Variants in CLHC1 observed in about 807,000 individuals in gnomAD.
CLHC1 encodes clathrin heavy chain linker domain containing 1.
In CLHC1, 72 loss-of-function variants were observed where a neutral mutation model predicts 69.5. The observed-to-expected ratio is 1.04, with a 90% CI of 0.86 to 1.26. The LOEUF (loss-of-function observed/expected upper bound fraction) is 1.26. Among genes scored for constraint, CLHC1 ranks in the 50% most tolerant of loss-of-function variants. CLHC1 has a pLI of 0.00. For missense variants in CLHC1, 790 were observed against 679.3 expected (o/e 1.16, Z -1.81); for synonymous variants, 223 against 224.3 (o/e 0.99, Z 0.05).
chr2:55,180,219 T>C (rs1272980724), intron 11 of CLHC1, among the ~76,000 whole-genome samples: 2 of 152,134 alleles, frequency 1.3e-5, no homozygotes, highest in Non-Finnish European at 2.9e-5. Context: ...TGTAGTATGT[T>C]CTAGTATATC....
intron 3 of CLHC1, 130 bp from the exon 4 acceptor site, chr2:55,218,128 AC>A: frequency 2.0e-6 from 1 of 497,094 alleles, no homozygotes; most frequent in Non-Finnish European, 3.4e-6. Context: ...TCTAAACTCT[AC>A]AGCAAGCTCA....
Position 55,175,487 on chromosome 2 carries a change from A to G in CLHC1, c.*303T>C, listed in dbSNP as rs1481449595. On this transcript the variant is annotated 3_prime_UTR_variant, in exon 13 of 13. Transcript: ENST00000401408. ...TCTTGCTATCATATTACATCACCAG[A>G]AAGTAATATATCTGGACATTAGCTT... The G allele has an allele frequency of 1.5e-5, 4 of 274,512 alleles. No homozygotes were observed. The highest frequency in any genetic ancestry group is 1.5e-4 in the South Asian group (2 of 13,196). 17.0% of individuals were successfully genotyped at this position (274,512 alleles called of 1,614,324 possible).
At position 55,209,685 on chromosome 2, in the gene CLHC1, C is replaced by T; in HGVS notation, c.646G>A (p.Val216Met). The T allele has an allele frequency of 1.2e-6, 2 of 1,614,120 alleles. No individual in the cohort carries two copies. Among genetic ancestry groups the T allele is most frequent in the South Asian group, 1.1e-5 (1 of 91,070 alleles). ...GCTACATCTCGCCGTTTTAATAACA[C>T]AATCATTTCTTCATCTAAATCAGCC... ...RKADLDEEMIVLLKRRDVAEN... is the reference protein window; with the variant it reads ...RKADLDEEMIMLLKRRDVAEN... Residue 216 changes from valine to methionine, a missense_variant, in exon 6 of 13, where the codon GTG (valine) becomes ATG (methionine). Physicochemically the swap from Val to Met is conservative, Grantham distance 21 (BLOSUM62 1). Coordinates refer to ENST00000401408, the MANE Select transcript of CLHC1 (RefSeq NM_152385.4).
chr2:55,192,745 G>C (rs1671047571), intron 9 of CLHC1, among the ~76,000 whole-genome samples: 1 of 152,006 alleles, frequency 6.6e-6, no homozygotes, highest in African/African-American at 2.4e-5. Context: ...TTCCCAACAA[G>C]GTGCTGGGAA....
Position 55,198,139 on chromosome 2 carries a change from A to T in CLHC1, c.1006+8131T>A, listed in dbSNP as rs140027757. 3.0e-3 allele frequency among the ~76,000 whole-genome samples: 454 copies of T among 152,322 alleles called. 2 individuals carry two copies. The highest frequency in any genetic ancestry group is 0.014 in the Middle Eastern group (4 of 294). On this transcript the variant is annotated intron_variant, in intron 9 of 12. Transcript: ENST00000401408. ...GATCTTGAAGCCAGACTATCTGAAAATATACAGTGAGAGGAAACAAAAGAA... is the reference window on the plus strand; with the variant it reads ...GATCTTGAAGCCAGACTATCTGAAATTATACAGTGAGAGGAAACAAAAGAA...
At chr2:55,206,238 T>A in intron 9 of CLHC1, 32 bp downstream of exon 9, 1 of 1,245,506 alleles carries the variant, frequency 8.0e-7, no homozygotes, top group Non-Finnish European at 1.2e-6. Context: ...TAAATTTTCA[T>A]ACATATATAA....
At chr2:55,222,171 G>T in intron 3 of CLHC1, 64 bp downstream of exon 3, 2 of 1,116,474 alleles carry the variant, frequency 1.8e-6, no homozygotes, top group Non-Finnish European at 2.7e-6. Context: ...CAGGAATATT[G>T]GTTGTCAACA....
intron 2 of CLHC1, chr2:55,224,837 G>T: frequency 3.3e-6 from 1 of 298,664 alleles, no homozygotes; most frequent in South Asian, 3.9e-5. Context: ...CCCGGTTCTC[G>T]GACATTGAGT....
chr2:55,211,420 T>C (rs1672991171), intron 5 of CLHC1, among the ~76,000 whole-genome samples: 1 of 146,798 alleles, frequency 6.8e-6, no homozygotes, highest in Non-Finnish European at 1.5e-5. Context: ...GAGAATGGTG[T>C]GAACCCAGGA....
chr2:55,172,662 T>C lies in CLHC1; in HGVS notation c.*3128A>G, dbSNP rs1478811243. On this transcript the variant is annotated 3_prime_UTR_variant, in exon 13 of 13. Coordinates refer to ENST00000401408, the MANE Select transcript of CLHC1 (RefSeq NM_152385.4). ...AATGCCATTTTTTTCTGAGAAAGAA[T>C]GGAAGAAATGTATGAGCTTTCTATG... is the stretch of plus-strand genomic sequence containing the variant. 6.8e-6 allele frequency among the ~76,000 whole-genome samples: 1 copy of C among 146,766 alleles called. No homozygotes were observed. Among genetic ancestry groups the C allele is most frequent in the Non-Finnish European group, 1.5e-5 (1 of 66,970 alleles).
intron 9 of CLHC1, among the ~76,000 whole-genome samples, chr2:55,200,007 T>C (rs1425651786): frequency 1.3e-5 from 2 of 152,066 alleles, no homozygotes; most frequent in Non-Finnish European, 2.9e-5. Context: ...GAGGATTACC[T>C]GAACCCAGGA....
intron 1 of CLHC1, among the ~76,000 whole-genome samples, chr2:55,229,273 G>A (rs1472804711): frequency 6.6e-6 from 1 of 151,972 alleles, no homozygotes; most frequent in East Asian, 1.9e-4. Flanking sequence ...AGTAAGGAAG[G>A]TGGGAGGATA....
chr2:55,222,918 CA>C (rs59113625), intron 2 of CLHC1, among the ~76,000 whole-genome samples: 18,684 of 68,204 alleles, frequency 0.27, 997 homozygotes, highest in Middle Eastern at 0.4. Flanking sequence ...GAAACTGTCT[CA>C]AAAAAAAAAA....
Position 55,175,876 on chromosome 2 carries a change from T to C in CLHC1, c.1675A>G (p.Thr559Ala). 1.2e-6 allele frequency: 2 copies of C among 1,614,050 alleles called. No homozygotes were observed. Among genetic ancestry groups the C allele is most frequent in the Non-Finnish European group, 8.5e-7 (1 of 1,179,910 alleles). ...GCAGCCTGAGATCGAAGAATAGACGTGATGTCATTAGATAATTTGTCAAAG... is the reference window on the plus strand; with the variant it reads ...GCAGCCTGAGATCGAAGAATAGACGCGATGTCATTAGATAATTTGTCAAAG... The part of the protein sequence containing the change: ...NGFDKLSNDI[T>A]SILRSQAAVT... The change falls in exon 13 of 13, where the codon ACG (threonine) becomes GCG (alanine). Residue 559 changes from threonine to alanine, a missense_variant. Thr to Ala is a moderately conservative substitution (Grantham distance 58). Transcript: ENST00000401408.
chr2:55,232,458 T>C (rs1573823874), upstream of CLHC1: 1 of 342,502 alleles, frequency 2.9e-6, no homozygotes, highest in East Asian at 6.9e-5. Context: ...GGGAAAAGCC[T>C]TTTTAAAACA....
intron 4 of CLHC1, among the ~76,000 whole-genome samples, chr2:55,217,543 AAAAAAAAAAATATATATATAT>A (rs1673655575): frequency 1.2e-5 from 1 of 84,930 alleles, no homozygotes; most frequent in African/African-American, 6.0e-5. Context: ...AAAAAAAAAA[AAAAAAAAAAATATATATATAT>A]ATATATATAT....
intron 11 of CLHC1, among the ~76,000 whole-genome samples, chr2:55,178,778 T>G (rs999725562): frequency 6.6e-6 from 1 of 152,102 alleles, no homozygotes; most frequent in Non-Finnish European, 1.5e-5. Flanking sequence ...GAAACATAAT[T>G]TGAACTCTGA....
chr2:55,231,564 C>G (rs571639170), intron 1 of CLHC1, among the ~76,000 whole-genome samples: 1 of 151,968 alleles, frequency 6.6e-6, no homozygotes, highest in African/African-American at 2.4e-5. Flanking sequence ...GATTCGGAAC[C>G]CCTACAAGAG....
chr2:55,217,506 A>C (rs1414458366), intron 4 of CLHC1, among the ~76,000 whole-genome samples: 1 of 130,432 alleles, frequency 7.7e-6, no homozygotes, highest in Admixed American at 8.3e-5. Context: ...CTGGGCAACA[A>C]GAGTGAAACC....
Sources: allele counts gnomAD v4.1 joint callset (sites outside exome capture counted in the v4.1 genomes callset), GRCh38; gene constraint gnomAD v4.1.1; transcripts MANE v1.5; gene names NCBI Gene and HGNC (gene_info 2026-07-23, HGNC 2026-07-21).